NRG3: variants seen among roughly 807,000 people sequenced by gnomAD.
NRG3 encodes neuregulin 3.
Under a neutral mutation model 66.9 loss-of-function variants are expected in NRG3, and 31 were observed. The ratio of observed to expected loss-of-function variants is 0.46; its 90% CI spans 0.35 to 0.63. The LOEUF (loss-of-function observed/expected upper bound fraction) is 0.63, where lower values mean the gene tolerates loss of function less well. Ranked by LOEUF, NRG3 falls within the 20% of genes least tolerant of loss-of-function variation. The probability of loss-of-function intolerance (pLI) is 0.00; values close to 1 mark genes in which losing one functional copy is unlikely to be tolerated. For missense variants in NRG3, 910 were observed against 878.9 expected (o/e 1.04, Z -0.45); for synonymous variants, 393 against 359.4 (o/e 1.09, Z -1.06).
chr10:81,970,828 A>C (rs143336228), intron 1 of NRG3, among the ~76,000 whole-genome samples: 1 of 152,194 alleles, frequency 6.6e-6, no homozygotes, highest in Non-Finnish European at 1.5e-5. Context: ...CATTTTAAGA[A>C]TAACAATACA....
intron 2 of NRG3, among the ~76,000 whole-genome samples, chr10:82,465,412 A>G (rs555703433): frequency 6.6e-6 from 1 of 152,324 alleles, no homozygotes; most frequent in African/African-American, 2.4e-5. Flanking sequence ...TCCCTGGAAT[A>G]GATTAGCACC....
intron 2 of NRG3, among the ~76,000 whole-genome samples, chr10:82,498,282 GA>G (rs1843810547): frequency 1.3e-5 from 2 of 151,854 alleles, no homozygotes; most frequent in South Asian, 4.2e-4. Flanking sequence ...ACTTTGTGTT[GA>G]TTTTTTTTTG....
intron 2 of NRG3, among the ~76,000 whole-genome samples, chr10:82,670,890 T>C (rs1408295111): frequency 6.6e-6 from 1 of 152,202 alleles, no homozygotes; most frequent in Non-Finnish European, 1.5e-5. Flanking sequence ...TGGCATCTCC[T>C]CTCTACCTGC....
At chr10:82,350,094 C>T (rs941545481) in intron 1 of NRG3, among the ~76,000 whole-genome samples, 1 of 152,126 alleles carries the variant, frequency 6.6e-6, no homozygotes, top group Non-Finnish European at 1.5e-5. Flanking sequence ...CTCAAAAAAA[C>T]TGCTTTTTTA....
At chr10:82,130,970 TA>T (rs1169273453) in intron 1 of NRG3, among the ~76,000 whole-genome samples, 2 of 152,206 alleles carry the variant, frequency 1.3e-5, no homozygotes, top group African/African-American at 2.4e-5. Flanking sequence ...AATTTGCAAA[TA>T]TTTCCTTCCA....
chr10:82,503,668 C>T (rs866048251), intron 2 of NRG3, among the ~76,000 whole-genome samples: 10 of 151,996 alleles, frequency 6.6e-5, no homozygotes, highest in African/African-American at 2.4e-4. Flanking sequence ...TAGGGCAGAA[C>T]ACTGTGGGAT....
chr10:82,220,900 C>T (rs1011252065), intron 1 of NRG3, among the ~76,000 whole-genome samples: 4 of 152,066 alleles, frequency 2.6e-5, no homozygotes, highest in African/African-American at 9.7e-5. Flanking sequence ...CAGAGGATTG[C>T]TTGAGCCCAG....
At chr10:82,737,145 T>C (rs186685747) in intron 2 of NRG3, among the ~76,000 whole-genome samples, 1 of 152,288 alleles carries the variant, frequency 6.6e-6, no homozygotes, top group African/African-American at 2.4e-5. Context: ...GTTATGAAAA[T>C]GTGTTTATGC....
chr10:82,783,376 G>T (rs2060201823), intron 3 of NRG3, among the ~76,000 whole-genome samples: 1 of 151,248 alleles, frequency 6.6e-6, no homozygotes, highest in South Asian at 2.1e-4. Context: ...GCAGGAGAAG[G>T]AAATAAAGGG....
chr10:82,588,638 G>T (rs2046811627), intron 2 of NRG3, among the ~76,000 whole-genome samples: 1 of 152,044 alleles, frequency 6.6e-6, no homozygotes, highest in Non-Finnish European at 1.5e-5. Flanking sequence ...GAGTAGCTGG[G>T]ACCACAGGTG....
At chr10:82,913,789 T>C (rs550552420) in intron 4 of NRG3, among the ~76,000 whole-genome samples, 2 of 152,358 alleles carry the variant, frequency 1.3e-5, no homozygotes, top group East Asian at 3.9e-4. Context: ...TGTAGAGTAT[T>C]TTCCATGGTT....
chr10:82,742,802 C>T lies in NRG3; in HGVS notation c.1027+4152C>T, dbSNP rs563630786. Among the ~76,000 whole-genome samples, 57 of 152,220 alleles carry T rather than the reference C, an allele frequency of 3.7e-4. No individual in the cohort carries two copies. In the South Asian group the frequency reaches 0.011, roughly 30 times the overall value. ...TGCCCTGGTTTTCCTTCCTTACTACCCATTCCCACCCAGGGTAGTTACCAT... is the reference window on the plus strand; with the variant it reads ...TGCCCTGGTTTTCCTTCCTTACTACTCATTCCCACCCAGGGTAGTTACCAT... On this transcript the variant is annotated intron_variant, in intron 3 of 8. Coordinates refer to ENST00000372141, the MANE Select transcript of NRG3 (RefSeq NM_001010848.4).
intron 2 of NRG3, among the ~76,000 whole-genome samples, chr10:82,445,596 C>T (rs561814502): frequency 5.9e-5 from 9 of 152,222 alleles, no homozygotes; most frequent in East Asian, 1.9e-4. Context: ...TACTTTCTCC[C>T]GCTAAAAACT....
chr10:82,826,094 CA>C (rs1341923032), intron 3 of NRG3, among the ~76,000 whole-genome samples: 1 of 152,104 alleles, frequency 6.6e-6, no homozygotes, highest in Non-Finnish European at 1.5e-5. Context: ...AAGATTTTTG[CA>C]TTTATATGTT....
At chr10:82,315,934 A>G (rs1394626832) in intron 1 of NRG3, among the ~76,000 whole-genome samples, 1 of 152,136 alleles carries the variant, frequency 6.6e-6, no homozygotes, top group Non-Finnish European at 1.5e-5. Flanking sequence ...GGTGGGAGCC[A>G]CTGCGCCCGG....
At chr10:82,919,223 A>G (rs1846181788) in intron 4 of NRG3, among the ~76,000 whole-genome samples, 1 of 152,090 alleles carries the variant, frequency 6.6e-6, no homozygotes, top group Non-Finnish European at 1.5e-5. Flanking sequence ...TGTCTTTCTG[A>G]CCTAGGTTAT....
intron 2 of NRG3, among the ~76,000 whole-genome samples, chr10:82,697,495 A>T (rs1243533841): frequency 1.3e-5 from 2 of 152,170 alleles, no homozygotes; most frequent in Non-Finnish European, 2.9e-5. Context: ...AGAGGAGAGG[A>T]TCACACATAT....
intron 3 of NRG3, among the ~76,000 whole-genome samples, chr10:82,852,441 C>G (rs908989688): frequency 6.6e-6 from 1 of 151,766 alleles, no homozygotes; most frequent in Non-Finnish European, 1.5e-5. Flanking sequence ...GCACATGTAT[C>G]CCAGAACTTA....
intron 2 of NRG3, among the ~76,000 whole-genome samples, chr10:82,577,718 G>A (rs756310962): frequency 1.3e-5 from 2 of 151,490 alleles, no homozygotes; most frequent in Admixed American, 6.6e-5. Context: ...ATGAATTTTC[G>A]GGATGATGCT....
Sources: allele counts gnomAD v4.1 joint callset (sites outside exome capture counted in the v4.1 genomes callset), GRCh38; gene constraint gnomAD v4.1.1; transcripts MANE v1.5; gene names NCBI Gene and HGNC (gene_info 2026-07-23, HGNC 2026-07-21).